TENM1: variants seen among roughly 807,000 people sequenced by gnomAD.
TENM1 encodes teneurin-1.
A neutral mutation model predicts 174.8 loss-of-function variants in TENM1; 35 were observed. That is an observed-to-expected ratio of 0.20 (90% CI 0.15 to 0.27). The LOEUF is 0.27. TENM1 is among the 10% of genes least tolerant of loss of function. The pLI is 1.00. For missense variants in TENM1, 1,633 were observed against 2,130.1 expected, an observed-to-expected ratio of 0.77 and a Z score of 4.59; for synonymous variants, 781 against 798.7, an observed-to-expected ratio of 0.98 and a Z score of 0.37.
intron 22 of TENM1, 133 bp downstream of exon 25, chrX:124,481,599 C>T: frequency 4.6e-6 from 1 of 215,562 alleles, no homozygotes; most frequent in Admixed American, 6.9e-5. Flanking sequence ...TATTTTGGCT[C>T]TCAGAGGCAA....
the TENM1 span, among the ~76,000 whole-genome samples, chrX:124,969,381 A>G: frequency 0.16 from 17,429 of 111,544 alleles, 1,321 homozygotes; most frequent in Non-Finnish European, 0.23. Context: ...TGACTTTAGA[A>G]GACAGCCATG....
the TENM1 span, among the ~76,000 whole-genome samples, chrX:125,172,589 G>A: frequency 2.7e-5 from 3 of 111,258 alleles, no homozygotes; most frequent in African/African-American, 9.8e-5. Flanking sequence ...AAATGTTGGC[G>A]GTGTAACCAT....
chrX:125,035,053 A>G, the TENM1 span, among the ~76,000 whole-genome samples: 1 of 112,004 alleles, frequency 8.9e-6, no homozygotes, highest in Non-Finnish European at 1.9e-5. Flanking sequence ...GGAGGTGGTT[A>G]ATGCTTATAC....
At chrX:124,883,395 A>C (rs954911591) in intron 3 of TENM1, among the ~76,000 whole-genome samples, 24 of 112,325 alleles carry the variant, frequency 2.1e-4, no homozygotes, top group Middle Eastern at 4.7e-3. Flanking sequence ...GCTAAAGCAA[A>C]GTTTTGCTGC....
At chrX:124,700,782 G>A (rs2052757709) in intron 5 of TENM1, among the ~76,000 whole-genome samples, 1 of 111,505 alleles carries the variant, frequency 9.0e-6, no homozygotes, top group African/African-American at 3.3e-5. Context: ...TGTATAGTGA[G>A]GTATTTGCAC....
chrX:125,061,610 G>T, the TENM1 span, among the ~76,000 whole-genome samples: 5 of 111,829 alleles, frequency 4.5e-5, no homozygotes, highest in Non-Finnish European at 9.4e-5. Flanking sequence ...AGAAGAGGAG[G>T]TGAAGCATGT....
intron 27 of TENM1, among the ~76,000 whole-genome samples, chrX:124,401,129 G>GA (rs1274415668): frequency 1.8e-5 from 2 of 110,655 alleles, no homozygotes; most frequent in Admixed American, 9.6e-5. Context: ...GACGTTGCAT[G>GA]AAAAAAAATC....
chrX:124,863,498 G>A (rs1569467803), intron 3 of TENM1, among the ~76,000 whole-genome samples: 1 of 111,955 alleles, frequency 8.9e-6, no homozygotes. Flanking sequence ...CCTGTGGCCT[G>A]GGGTGGCGGT....
intron 4 of TENM1, among the ~76,000 whole-genome samples, chrX:124,719,676 G>C (rs946641256): frequency 2.2e-4 from 25 of 111,341 alleles, no homozygotes; most frequent in African/African-American, 7.8e-4. Context: ...AAACACATTG[G>C]TTCACTTTAA....
At chrX:124,575,108 A>T (rs2843497) in intron 11 of TENM1, among the ~76,000 whole-genome samples, 26,998 of 111,230 alleles carry the variant, frequency 0.24, 2,430 homozygotes, top group South Asian at 0.41. Context: ...AAAAGTAATT[A>T]GAAGAACATA....
At chrX:124,713,174 C>T (rs2053100112) in intron 4 of TENM1, among the ~76,000 whole-genome samples, 1 of 111,869 alleles carries the variant, frequency 8.9e-6, no homozygotes, top group Non-Finnish European at 1.9e-5. Context: ...CCTATCTAAG[C>T]TTTAATTTTC....
the TENM1 span, among the ~76,000 whole-genome samples, chrX:125,130,389 A>T: frequency 1.8e-5 from 2 of 111,181 alleles, no homozygotes; most frequent in African/African-American, 6.5e-5. Flanking sequence ...ATACTAGTAA[A>T]TCATAGTGTT....
At chrX:124,865,912 A>C (rs1486074037) in intron 3 of TENM1, among the ~76,000 whole-genome samples, 2 of 112,377 alleles carry the variant, frequency 1.8e-5, no homozygotes, top group Non-Finnish European at 3.8e-5. Flanking sequence ...AGAAGAGAAA[A>C]GAAGGTCACT....
chrX:125,196,009 G>A, the TENM1 span, among the ~76,000 whole-genome samples: 1 of 96,151 alleles, frequency 1.0e-5, no homozygotes, highest in African/African-American at 4.0e-5. Context: ...AAGAAAAGAA[G>A]GAACGAAGGA....
At chrX:124,674,941 C>T (rs113891863) in intron 5 of TENM1, among the ~76,000 whole-genome samples, 232 of 111,620 alleles carry the variant, frequency 2.1e-3, no homozygotes, top group African/African-American at 7.2e-3. Flanking sequence ...ATTTTATATA[C>T]TTTAAGTTGA....
chrX:125,116,168 G>A, the TENM1 span, among the ~76,000 whole-genome samples: 2 of 112,001 alleles, frequency 1.8e-5, no homozygotes, highest in African/African-American at 3.2e-5. Flanking sequence ...TAAATGTTGG[G>A]AAAATTGGCT....
exon 20 of TENM1, chrX:124,497,149 G>A: frequency 8.3e-7 from 1 of 1,210,081 alleles, no homozygotes; most frequent in East Asian, 3.0e-5. Flanking sequence ...TTGTGGGCTG[G>A]GCCATTGCAG....
chrX:124,647,057 C>T (rs1332094578), intron 8 of TENM1, among the ~76,000 whole-genome samples: 2 of 111,286 alleles, frequency 1.8e-5, no homozygotes, highest in African/African-American at 6.5e-5. Flanking sequence ...ACATCATTAT[C>T]TCTAAAGCAC....
At chrX:125,060,202 C>T in the TENM1 span, among the ~76,000 whole-genome samples, 3 of 108,609 alleles carry the variant, frequency 2.8e-5, no homozygotes, top group South Asian at 4.0e-4. Context: ...CACACACACA[C>T]ACACACACAC....
Sources: allele counts gnomAD v4.1 joint callset (sites outside exome capture counted in the v4.1 genomes callset), GRCh38; gene constraint gnomAD v4.1.1; transcripts MANE v1.5; gene names NCBI Gene and HGNC (gene_info 2026-07-23, HGNC 2026-07-21).